Variants in NF2 observed in about 807,000 individuals in gnomAD.
The protein encoded by NF2 is merlin.
NF2 carries 8 observed loss-of-function variants against 83.7 expected under a neutral mutation model. That is an observed-to-expected ratio of 0.10 (90% CI 0.06 to 0.17). The LOEUF (loss-of-function observed/expected upper bound fraction) is 0.17. Among genes scored for constraint, NF2 ranks in the 10% least tolerant of loss-of-function variants. The pLI is 1.00. For synonymous variants in NF2, 266 were observed against 269.6 expected, an observed-to-expected ratio of 0.99 and a Z score of 0.13; for missense variants, 533 against 744.4, an observed-to-expected ratio of 0.72 and a Z score of 3.31.
chr22:29,605,774 C>T (rs1491002571), intron 1 of NF2, among the ~76,000 whole-genome samples: 7 of 152,198 alleles, frequency 4.6e-5, no homozygotes, highest in Admixed American at 3.9e-4. Context: ...TCACTCCTAG[C>T]TTAGTGAGGT....
At chr22:29,672,303 A>G (rs367862854) in intron 11 of NF2, among the ~76,000 whole-genome samples, 2 of 143,348 alleles carry the variant, frequency 1.4e-5, no homozygotes, top group African/African-American at 5.2e-5. Flanking sequence ...ACATTGCCAC[A>G]TGTCTCTTTT....
chr22:29,661,402 G>C (rs2147013117), intron 8 of NF2, 63 bp downstream of exon 8: 4 of 1,604,822 alleles, frequency 2.5e-6, no homozygotes, highest in Non-Finnish European at 3.4e-6. Flanking sequence ...CCCCTCACTG[G>C]AGCCTCCCCA....
chr22:29,657,715 A>T (rs181764730), intron 6 of NF2, among the ~76,000 whole-genome samples: 44 of 152,380 alleles, frequency 2.9e-4, no homozygotes, highest in African/African-American at 1.0e-3. Flanking sequence ...TACAACCCAG[A>T]TAACTCTTGC....
chr22:29,646,268 C>T (rs763593925), intron 4 of NF2, among the ~76,000 whole-genome samples: 6 of 152,044 alleles, frequency 3.9e-5, no homozygotes, highest in Non-Finnish European at 7.4e-5. Context: ...ATTTTTAGCC[C>T]ACTTCTCGAT....
chr22:29,668,590 C>G (rs553717379), intron 10 of NF2, 144 bp downstream of exon 10: 2 of 685,252 alleles, frequency 2.9e-6, no homozygotes, highest in Non-Finnish European at 5.4e-6. Context: ...CTTCATTTGC[C>G]GATGCCTACC....
At chr22:29,647,083 T>C (rs772345492) in intron 4 of NF2, among the ~76,000 whole-genome samples, 21 of 151,796 alleles carry the variant, frequency 1.4e-4, no homozygotes, top group Non-Finnish European at 2.8e-4. Flanking sequence ...TGCAGTCACA[T>C]GACACACTAA....
At chr22:29,620,102 C>CA (rs1453203345) in intron 1 of NF2, among the ~76,000 whole-genome samples, 1 of 151,918 alleles carries the variant, frequency 6.6e-6, no homozygotes, top group East Asian at 1.9e-4. Context: ...CTACTGAAAA[C>CA]ACAAAAATTA....
chr22:29,642,011 C>T (rs1026309759), intron 3 of NF2, among the ~76,000 whole-genome samples, 191 bp from the exon 4 acceptor site: 3 of 152,118 alleles, frequency 2.0e-5, no homozygotes, highest in Admixed American at 6.5e-5. Context: ...GCCGTCATAC[C>T]AGTAACTTCT....
intron 4 of NF2, among the ~76,000 whole-genome samples, chr22:29,643,545 G>T (rs1347584411): frequency 6.6e-6 from 1 of 152,104 alleles, no homozygotes; most frequent in Non-Finnish European, 1.5e-5. Flanking sequence ...ATCTTGCACC[G>T]CCCTTAATCC....
rs56407600 is a variant in NF2 at position 29,648,131 on chromosome 22, AAAATAAATAAAT to A, written c.447+5870_447+5881del. 4.3e-3 allele frequency among the ~76,000 whole-genome samples: 619 copies of A among 145,340 alleles called. 9 individuals carry two copies. Among genetic ancestry groups the A allele is most frequent in the South Asian group, 0.022 (99 of 4,582 alleles). ...GGACGACAGAGTGAGACTCCATCTCAAAATAAATAAATAAATAAATAAATAAATAAATAAAGT... is the reference window on the plus strand; with the variant it reads ...GGACGACAGAGTGAGACTCCATCTCAAAATAAATAAATAAATAAATAAAGT... On this transcript the variant is annotated intron_variant, in intron 4 of 15. Coordinates refer to ENST00000338641, the MANE Select transcript of NF2 (RefSeq NM_000268.4).
At chr22:29,692,009 C>T (rs551069285) in intron 15 of NF2, among the ~76,000 whole-genome samples, 7 of 152,296 alleles carry the variant, frequency 4.6e-5, no homozygotes, top group Admixed American at 1.3e-4. Flanking sequence ...ATTCTGACTC[C>T]GGGGCTCCTG....
At chr22:29,644,013 G>A (rs186430581) in intron 4 of NF2, among the ~76,000 whole-genome samples, 4 of 146,626 alleles carry the variant, frequency 2.7e-5, no homozygotes, top group Non-Finnish European at 6.0e-5. Flanking sequence ...TGGCCTGGCC[G>A]GGGGGCTGAC....
At chr22:29,607,599 C>G (rs1390036432) in intron 1 of NF2, among the ~76,000 whole-genome samples, 1 of 152,080 alleles carries the variant, frequency 6.6e-6, no homozygotes, top group African/African-American at 2.4e-5. Context: ...CAGTTTCCAA[C>G]AAGAAATTGT....
rs2146856213 is a variant in NF2, at chr22:29,636,940, G to T, written c.240+64G>T. 1 of 1,611,462 alleles carries T rather than the reference G, an allele frequency of 6.2e-7. No individual in the cohort carries two copies. Reference sequence around the variant, plus strand: ...GAGCTTTCCAGTTTTTCCCTGAGCAGGCGCCTAGCTCATCACTGGGGCGCT... The same window carrying T: ...GAGCTTTCCAGTTTTTCCCTGAGCATGCGCCTAGCTCATCACTGGGGCGCT... On this transcript the variant is annotated intron_variant, in intron 2 of 15. Coordinates refer to ENST00000338641, the MANE Select transcript of NF2 (RefSeq NM_000268.4). This position sits in a 1 kb window ranked among gnomAD's most constrained non-coding sequence, Gnocchi z 4.4.
intron 13 of NF2, among the ~76,000 whole-genome samples, chr22:29,676,457 T>C (rs1416897941): frequency 6.6e-6 from 1 of 152,210 alleles, no homozygotes; most frequent in Non-Finnish European, 1.5e-5. Flanking sequence ...ATTATAGGCA[T>C]GAGCCACTGT....
chr22:29,640,757 G>A (rs773134763), intron 3 of NF2, among the ~76,000 whole-genome samples: 14 of 108,354 alleles, frequency 1.3e-4, no homozygotes, highest in Non-Finnish European at 1.9e-4. Context: ...TTTTAAAAAA[G>A]GTCTGGGGGG....
At chr22:29,669,258 C>T (rs1319923585) in intron 10 of NF2, among the ~76,000 whole-genome samples, 2 of 152,176 alleles carry the variant, frequency 1.3e-5, no homozygotes, top group Non-Finnish European at 2.9e-5. Flanking sequence ...AGGTAGTGGG[C>T]CACAAATGTG....
At chr22:29,629,748 T>C (rs2065459260) in intron 1 of NF2, among the ~76,000 whole-genome samples, 4 of 152,348 alleles carry the variant, frequency 2.6e-5, no homozygotes, top group Admixed American at 2.6e-4. Context: ...GTCGATTCTC[T>C]TTCATTTTCT....
intron 10 of NF2, among the ~76,000 whole-genome samples, chr22:29,670,940 G>A (rs2066764963): frequency 6.6e-6 from 1 of 152,136 alleles, no homozygotes; most frequent in African/African-American, 2.4e-5. Flanking sequence ...GCTCCCCCCT[G>A]TGAAATACAA....
Sources: gnomAD v4.1 joint callset for allele counts (sites outside exome capture counted in the v4.1 genomes callset) on GRCh38, gnomAD v4.1.1 for gene constraint, Gnocchi (gnomAD v3.1) non-coding constraint, MANE v1.5 for transcripts, NCBI Gene and HGNC (gene_info 2026-07-23, HGNC 2026-07-21) for gene names.